Variants in TGFBR3 observed in about 807,000 individuals in gnomAD.
TGFBR3 encodes transforming growth factor beta receptor type 3.
TGFBR3 carries 46 observed loss-of-function variants against 87.9 expected under a neutral mutation model. The ratio of observed to expected loss-of-function variants is 0.52; its 90% CI spans 0.41 to 0.67. The LOEUF (loss-of-function observed/expected upper bound fraction) is 0.67, where lower values mean the gene tolerates loss of function less well. TGFBR3 is among the 30% of genes least tolerant of loss of function. The probability of loss-of-function intolerance (pLI) is 0.00; values close to 1 mark genes in which losing one functional copy is unlikely to be tolerated. For synonymous variants in TGFBR3, 381 were observed against 391.6 expected, an observed-to-expected ratio of 0.97 and a Z score of 0.32; for missense variants, 866 against 1,041.9, an observed-to-expected ratio of 0.83 and a Z score of 2.32.
upstream of TGFBR3, among the ~76,000 whole-genome samples, chr1:91,889,692 G>C (rs146614695): frequency 4.5e-3 from 676 of 151,586 alleles, no homozygotes; most frequent in Non-Finnish European, 8.2e-3. Flanking sequence ...TTTCTTTTTT[G>C]AGACGGAGTT....
chr1:91,847,988 C>T (rs1437430302), intron 2 of TGFBR3, among the ~76,000 whole-genome samples: 1 of 152,078 alleles, frequency 6.6e-6, no homozygotes, highest in Non-Finnish European at 1.5e-5. Context: ...AGGTGTAGCC[C>T]CAGCTAATAA....
intron 12 of TGFBR3, among the ~76,000 whole-genome samples, chr1:91,715,518 C>A (rs1571434306): frequency 6.6e-6 from 1 of 152,294 alleles, no homozygotes; most frequent in East Asian, 1.9e-4. Flanking sequence ...CTAACTGCTG[C>A]AATACTTACA....
chr1:91,713,799 A>T (rs1459706086), intron 12 of TGFBR3, among the ~76,000 whole-genome samples: 2 of 152,152 alleles, frequency 1.3e-5, no homozygotes, highest in Non-Finnish European at 2.9e-5. Flanking sequence ...AAGATATTCT[A>T]TCTTGGAAAG....
At chr1:91,895,601 G>A (rs1679537116) in intron 2 of TGFBR3, among the ~76,000 whole-genome samples, 1 of 152,156 alleles carries the variant, frequency 6.6e-6, no homozygotes, top group South Asian at 2.1e-4. Context: ...GGATTAAAGT[G>A]TGAGCCACCA....
intron 3 of TGFBR3, among the ~76,000 whole-genome samples, chr1:91,764,450 C>G (rs1488981957): frequency 6.6e-6 from 1 of 151,616 alleles, no homozygotes; most frequent in Non-Finnish European, 1.5e-5. Context: ...GGGGCAAGAG[C>G]TCATATAAAC....
chr1:91,695,850 G>A, intron 15 of TGFBR3, 71 bp from the exon 16 acceptor site: 1 of 1,227,476 alleles, frequency 8.1e-7, no homozygotes, highest in East Asian at 2.3e-5. Context: ...TTTTATATTT[G>A]TTTCACAAGC....
At chr1:91,877,783 G>A (rs1182632619) in intron 1 of TGFBR3, among the ~76,000 whole-genome samples, 1 of 152,134 alleles carries the variant, frequency 6.6e-6, no homozygotes, top group African/African-American at 2.4e-5. Context: ...TCAAAGACAA[G>A]TGTCTTTACA....
At chr1:91,703,527 G>A (rs570839750) in intron 14 of TGFBR3, among the ~76,000 whole-genome samples, 15 of 152,244 alleles carry the variant, frequency 9.9e-5, no homozygotes, top group South Asian at 8.3e-4. Context: ...GGCAAATTTT[G>A]GAATGATATT....
At chr1:91,797,038 G>A (rs1311626043) in intron 3 of TGFBR3, among the ~76,000 whole-genome samples, 1 of 152,100 alleles carries the variant, frequency 6.6e-6, no homozygotes. Context: ...TGGCCTAAAA[G>A]TTGAAATTCT....
chr1:91,753,199 A>G (rs1479177184), intron 4 of TGFBR3, among the ~76,000 whole-genome samples: 2 of 151,710 alleles, frequency 1.3e-5, no homozygotes, highest in Non-Finnish European at 2.9e-5. Flanking sequence ...TAGCCTGGAC[A>G]ATATGGCAAA....
chr1:91,873,198 T>C (rs1160138413), intron 1 of TGFBR3, among the ~76,000 whole-genome samples: 1 of 152,022 alleles, frequency 6.6e-6, no homozygotes, highest in Non-Finnish European at 1.5e-5. Context: ...CTTGAATTCT[T>C]TGCCTCATAT....
intron 1 of TGFBR3, among the ~76,000 whole-genome samples, chr1:91,905,247 T>TA (rs1360506162): frequency 2.0e-5 from 3 of 152,318 alleles, no homozygotes; most frequent in South Asian, 2.1e-4. Context: ...AACCTGGAAT[T>TA]ACATCTTTGA....
At chr1:91,859,281 T>C (rs564465917) in intron 2 of TGFBR3, among the ~76,000 whole-genome samples, 4 of 152,158 alleles carry the variant, frequency 2.6e-5, no homozygotes, top group African/African-American at 9.6e-5. Context: ...TTCAGTTGTG[T>C]TTTTCAGTCT....
chr1:91,814,863 A>G (rs1039174428), intron 2 of TGFBR3, among the ~76,000 whole-genome samples: 1 of 152,236 alleles, frequency 6.6e-6, no homozygotes, highest in Non-Finnish European at 1.5e-5. Context: ...AAAAGTAAAC[A>G]TATACCCGGC....
At chr1:91,696,329 T>C (rs1425316613) in intron 15 of TGFBR3, among the ~76,000 whole-genome samples, 1 of 152,230 alleles carries the variant, frequency 6.6e-6, no homozygotes, top group East Asian at 1.9e-4. Context: ...AAACTATTCC[T>C]GTGGATTATA....
chr1:91,710,939 T>C (rs1322273605), intron 13 of TGFBR3, among the ~76,000 whole-genome samples: 1 of 152,172 alleles, frequency 6.6e-6, no homozygotes, highest in Non-Finnish European at 1.5e-5. Context: ...CGATTAATTT[T>C]CCCAGATTAA....
At chr1:91,727,559 G>T in intron 7 of TGFBR3, 100 bp downstream of exon 7, 1 of 1,469,650 alleles carries the variant, frequency 6.8e-7, no homozygotes, top group Non-Finnish European at 9.5e-7. Context: ...AGCTTAGAGA[G>T]TCCAAAGAGG....
chr1:91,701,225 C>T (rs1378924586), intron 14 of TGFBR3, among the ~76,000 whole-genome samples: 1 of 151,974 alleles, frequency 6.6e-6, no homozygotes, highest in Non-Finnish European at 1.5e-5. Flanking sequence ...TTGTTCATTT[C>T]CCCTGGGTGA....
At chr1:91,891,586 C>T (rs1413003996) in intron 2 of TGFBR3, among the ~76,000 whole-genome samples, 1 of 152,062 alleles carries the variant, frequency 6.6e-6, no homozygotes, top group African/African-American at 2.4e-5. Flanking sequence ...CCCACCACCA[C>T]CACATAAAAA....
Sources: gnomAD v4.1 joint callset for allele counts (sites outside exome capture counted in the v4.1 genomes callset) on GRCh38, gnomAD v4.1.1 for gene constraint, MANE v1.5 for transcripts, NCBI Gene and HGNC (gene_info 2026-07-23, HGNC 2026-07-21) for gene names.